WDFY4: variants seen among roughly 807,000 people sequenced by gnomAD.
WDFY4 encodes WD repeat- and FYVE domain-containing protein 4.
A neutral mutation model predicts 351.9 loss-of-function variants in WDFY4; 169 were observed. The ratio of observed to expected loss-of-function variants is 0.48; its 90% CI spans 0.42 to 0.55. WDFY4 has a LOEUF of 0.55. Among genes scored for constraint, WDFY4 ranks in the 20% least tolerant of loss-of-function variants. WDFY4 has a pLI of 0.00. For synonymous variants in WDFY4, 1,622 were observed against 1,574.6 expected, an observed-to-expected ratio of 1.03 and a Z score of -0.71; for missense variants, 3,803 against 3,935.6, an observed-to-expected ratio of 0.97 and a Z score of 0.90.
In WDFY4 at chr10:48,760,377, T is replaced by C. The variant is rs751971996; in HGVS notation, c.2490T>C (p.His830=). 6 of 1,551,666 alleles carry C rather than the reference T, an allele frequency of 3.9e-6. No homozygotes were observed. In the South Asian group the frequency reaches 7.1e-5, roughly 18 times the overall value. ...ATGAGGGAGATGCTGCAATCATGCA[T>C]CCCGGGGTCGTGTGCATCATGGTGA... ...RMDEGDAAIM[H]PGVVCIMVRL... Residue 830 remains histidine, a synonymous_variant, in exon 13 of 62, where the codon CAT becomes CAC. Coordinates refer to ENST00000325239, the MANE Select transcript of WDFY4 (RefSeq NM_001394531.1).
chr10:48,832,532 T>C, intron 38 of WDFY4, 41 bp from the exon 39 acceptor site: 1 of 1,496,512 alleles, frequency 6.7e-7, no homozygotes, highest in Non-Finnish European at 9.0e-7. Context: ...TAGTGTGTGC[T>C]CTCACTTCAC....
At chr10:48,912,376 C>A (rs1368353047) in intron 47 of WDFY4, among the ~76,000 whole-genome samples, 1 of 152,210 alleles carries the variant, frequency 6.6e-6, no homozygotes, top group Non-Finnish European at 1.5e-5. Flanking sequence ...AGTGAGGGAA[C>A]CTAAGCTATG....
At chr10:48,700,481 G>A (rs2063448120) in intron 1 of WDFY4, among the ~76,000 whole-genome samples, 2 of 152,136 alleles carry the variant, frequency 1.3e-5, no homozygotes, top group Non-Finnish European at 2.9e-5. Context: ...TCCCTTCCCG[G>A]AACTAACCCA....
intron 57 of WDFY4, among the ~76,000 whole-genome samples, chr10:48,973,895 A>T (rs1337446208): frequency 6.6e-6 from 1 of 151,596 alleles, no homozygotes; most frequent in Non-Finnish European, 1.5e-5. Context: ...GTGGCTATGA[A>T]TCCAGACCTA....
At chr10:48,732,949 G>T (rs559447467) in intron 9 of WDFY4, among the ~76,000 whole-genome samples, 1 of 152,346 alleles carries the variant, frequency 6.6e-6, no homozygotes, top group Non-Finnish European at 1.5e-5. Context: ...TCTGGGCCAA[G>T]CCCTGGACAA....
intron 40 of WDFY4, among the ~76,000 whole-genome samples, chr10:48,868,919 C>G (rs979236479): frequency 4.6e-5 from 7 of 152,130 alleles, no homozygotes; most frequent in African/African-American, 1.7e-4. Context: ...AGGAAGGGAT[C>G]CAGCCACCTG....
chr10:48,976,882 G>A lies in WDFY4; in HGVS notation c.9194G>A (p.Gly3065Asp). The A allele has an allele frequency of 6.5e-7, 1 of 1,541,006 alleles. No homozygotes were observed. The highest frequency in any genetic ancestry group is 8.8e-7 in the Non-Finnish European group (1 of 1,141,220). Residue 3065 changes from glycine (G) to aspartate (D), a missense_variant, in exon 59 of 62, where the codon GGC (glycine) becomes GAC (aspartate). Gly to Asp is a moderately conservative substitution (Grantham distance 94). Around this residue, in one of 3 missense-constraint regions of WDFY4, gnomAD observed 3,054 missense variants for 3,148.6 expected, o/e 0.97. Coordinates refer to ENST00000325239, the MANE Select transcript of WDFY4 (RefSeq NM_001394531.1). ...QPLASITTAWGPEGAITCCCL... is the reference protein window; with the variant it reads ...QPLASITTAWDPEGAITCCCL... ...CTGGCCAGCATCACCACAGCCTGGG[G>A]CCCAGAAGGAGCCATAACCTGCTGC... is the stretch of plus-strand genomic sequence containing the variant.
At position 48,810,664 on chromosome 10, in the gene WDFY4, CACGGTTT is replaced by C. The variant is rs750567529; in HGVS notation, c.4975_4981del (p.Arg1659GlufsTer20). On this transcript the variant is annotated frameshift_variant, in exon 29 of 62. Coordinates refer to ENST00000325239, the MANE Select transcript of WDFY4 (RefSeq NM_001394531.1). LOFTEE classifies it high-confidence loss of function. ...TTTCTGGCAAGCCCCTCCCTCCGCA[CACGGTTT>C]AGAGATGGCCTGTGTGCAGGATCCT... is the stretch of plus-strand genomic sequence containing the variant. The C allele has an allele frequency of 6.4e-7, 1 of 1,551,694 alleles. No individual in the cohort carries two copies.
chr10:48,953,921 A>G (rs1270472536), intron 51 of WDFY4, among the ~76,000 whole-genome samples: 1 of 152,246 alleles, frequency 6.6e-6, no homozygotes, highest in Non-Finnish European at 1.5e-5. Flanking sequence ...GTGTCCTCTC[A>G]TGAAAGGAGT....
rs1025439513 is a variant in WDFY4 at position 48,784,079 on chromosome 10, T to C, written c.3577-2560T>C. On this transcript the variant is annotated intron_variant, in intron 19 of 61. Coordinates refer to ENST00000325239, the MANE Select transcript of WDFY4 (RefSeq NM_001394531.1). ...AGGTATGGATGTGCCATAGTTTGTTTAGTCATTTATCCATTGAAAGACATC... is the reference window on the plus strand; with the variant it reads ...AGGTATGGATGTGCCATAGTTTGTTCAGTCATTTATCCATTGAAAGACATC... Among the ~76,000 whole-genome samples the C allele has an allele frequency of 2.0e-5, 3 of 152,252 alleles. No individual in the cohort carries two copies. In the East Asian group the frequency reaches 5.8e-4, roughly 29 times the overall value.
intron 47 of WDFY4, among the ~76,000 whole-genome samples, chr10:48,939,658 A>C (rs1438770264): frequency 6.6e-6 from 1 of 152,254 alleles, no homozygotes; most frequent in African/African-American, 2.4e-5. Context: ...AGTTACCAAC[A>C]AAATTCACAT....
chr10:48,810,762 T>A, intron 29 of WDFY4, 27 bp downstream of exon 29: 1 of 1,492,848 alleles, frequency 6.7e-7, no homozygotes, highest in Non-Finnish European at 8.9e-7. Flanking sequence ...CTCCAGGGAG[T>A]GGGGCACCAC....
Position 48,743,310 on chromosome 10 carries a change from C to T in WDFY4, c.2221C>T (p.Pro741Ser), listed in dbSNP as rs1052554804. 1.3e-6 allele frequency: 2 copies of T among 1,551,488 alleles called. No homozygotes were observed. The highest frequency in any genetic ancestry group is 1.7e-4 in the Middle Eastern group (1 of 6,014). The change falls in exon 12 of 62, where the codon CCA becomes TCA. Residue 741 changes from proline to serine, a missense_variant. Transcript: ENST00000325239. ...CTCTTGGGTGGACACAAAGGCCAGG[C>T]CATTTGCAGATTTGCTGGGCACTGC... ...LRSWVDTKARPFADLLGTAFS... is the reference protein window; with the variant it reads ...LRSWVDTKARSFADLLGTAFS...
At chr10:48,918,457 A>G (rs143414787) in intron 47 of WDFY4, among the ~76,000 whole-genome samples, 1 of 152,336 alleles carries the variant, frequency 6.6e-6, no homozygotes, top group Non-Finnish European at 1.5e-5. Flanking sequence ...ATATTTCAGA[A>G]CAAGAAAATT....
At chr10:48,725,382 G>A (rs764778551) in intron 5 of WDFY4, among the ~76,000 whole-genome samples, 1 of 152,156 alleles carries the variant, frequency 6.6e-6, no homozygotes, top group Non-Finnish European at 1.5e-5. Flanking sequence ...CAAGTGGAGA[G>A]GGAGGTTTTG....
intron 21 of WDFY4, among the ~76,000 whole-genome samples, chr10:48,789,473 C>T (rs768230102): frequency 1.3e-5 from 2 of 152,198 alleles, no homozygotes; most frequent in South Asian, 2.1e-4. Context: ...TCTTCTTGCC[C>T]CTTTGACATC....
chr10:48,962,882 T>C (rs1841923463), intron 53 of WDFY4, among the ~76,000 whole-genome samples: 1 of 152,230 alleles, frequency 6.6e-6, no homozygotes, highest in African/African-American at 2.4e-5. Context: ...CCTTGCCTGC[T>C]GCATGCCCCC....
At chr10:48,882,101 G>A (rs778128538) in intron 43 of WDFY4, among the ~76,000 whole-genome samples, 1 of 152,196 alleles carries the variant, frequency 6.6e-6, no homozygotes, top group Admixed American at 6.5e-5. Context: ...CAGGAATCAG[G>A]AGGTCCTCCA....
chr10:48,790,102 G>C, intron 22 of WDFY4, 117 bp downstream of exon 22: 1 of 1,012,054 alleles, frequency 9.9e-7, no homozygotes. Context: ...GGGAACCAGG[G>C]TCGGGAGGAC....
Sources: allele counts gnomAD v4.1 joint callset (sites outside exome capture counted in the v4.1 genomes callset), GRCh38; gene constraint gnomAD v4.1.1; regional missense constraint gnomAD v4.1.1; transcripts MANE v1.5; gene names NCBI Gene and HGNC (gene_info 2026-07-23, HGNC 2026-07-21).